Variants in EFCAB11 observed in about 807,000 individuals in gnomAD.
EFCAB11 encodes EF-hand calcium-binding domain-containing protein 11.
A neutral mutation model predicts 23.0 loss-of-function variants in EFCAB11; 14 were observed. That is an observed-to-expected ratio of 0.61 (90% CI 0.40 to 0.95). The LOEUF is 0.95. EFCAB11 is among the 40% of genes least tolerant of loss of function. The pLI is 0.00. For missense variants in EFCAB11, 198 were observed against 195.8 expected (o/e 1.01, Z -0.07); for synonymous variants, 65 against 66.6 (o/e 0.98, Z 0.11).
intron 5 of EFCAB11, among the ~76,000 whole-genome samples, chr14:89,864,576 C>T (rs551649664): frequency 1.3e-5 from 2 of 152,108 alleles, no homozygotes; most frequent in African/African-American, 2.4e-5. Context: ...TACAGGTGCA[C>T]GTCAACATGC....
intron 5 of EFCAB11, among the ~76,000 whole-genome samples, chr14:89,848,021 TCTAC>T (rs1460441395): frequency 3.9e-5 from 6 of 152,232 alleles, no homozygotes; most frequent in African/African-American, 1.2e-4. Context: ...TACAGGATTC[TCTAC>T]CTAAGCTCCC....
chr14:89,917,218 A>G (rs1889879486), intron 5 of EFCAB11, among the ~76,000 whole-genome samples: 1 of 152,052 alleles, frequency 6.6e-6, no homozygotes, highest in South Asian at 2.1e-4. Flanking sequence ...TGTAACTAAA[A>G]TTTTGTATCC....
In EFCAB11 at chr14:89,865,619, G is replaced by A. The variant is rs139890896; in HGVS notation, c.410+65922C>T. Among the ~76,000 whole-genome samples, 1,277 of 151,554 alleles carry A rather than the reference G, an allele frequency of 8.4e-3. 6 individuals are homozygous for A. Among genetic ancestry groups the A allele is most frequent in the South Asian group, 0.014 (68 of 4,790 alleles). ...TGGGCTCAAGTGATCTTCCCACCTC[G>A]GCCTCCAGAGTAGCTGGAACTACAG... On this transcript the variant is annotated intron_variant, in intron 5 of 5. Transcript: ENST00000316738.
chr14:89,883,735 C>T (rs1194578778), intron 5 of EFCAB11, among the ~76,000 whole-genome samples: 1 of 152,198 alleles, frequency 6.6e-6, no homozygotes, highest in Non-Finnish European at 1.5e-5. Flanking sequence ...TGCCAAGTCA[C>T]CTGTCACTTC....
rs1312934288 is a variant in EFCAB11 at position 89,892,455 on chromosome 14, G to C, written c.410+39086C>G. Reference sequence around the variant, plus strand: ...CCATGCCAGTGTTGACTCTAGGAGAGAAAGGGTTAAAGCAGTCCCAGCCTT... The same window carrying C: ...CCATGCCAGTGTTGACTCTAGGAGACAAAGGGTTAAAGCAGTCCCAGCCTT... On this transcript the variant is annotated intron_variant, in intron 5 of 5. Transcript: ENST00000316738. 5.8e-6 allele frequency: 9 copies of C among 1,539,854 alleles called. No homozygotes were observed. In the East Asian group the frequency reaches 1.8e-4, roughly 31 times the overall value.
At chr14:89,851,267 C>T (rs959109840) in intron 5 of EFCAB11, among the ~76,000 whole-genome samples, 2 of 152,202 alleles carry the variant, frequency 1.3e-5, no homozygotes, top group Non-Finnish European at 2.9e-5. Context: ...TTGGCTTGCA[C>T]CCAAATGCCC....
chr14:89,825,748 A>AAGAGAAAG (rs1490672665), intron 5 of EFCAB11, among the ~76,000 whole-genome samples: 4 of 152,144 alleles, frequency 2.6e-5, no homozygotes. Context: ...TCGAAAAAAA[A>AAGAGAAAG]AGAGAAAGAG....
At chr14:89,894,477 A>C (rs1596438207) in intron 5 of EFCAB11, among the ~76,000 whole-genome samples, 1 of 118,570 alleles carries the variant, frequency 8.4e-6, no homozygotes, top group Middle Eastern at 8.6e-3. Context: ...CCCTGTGTCC[A>C]TGTGTTCTCA....
chr14:89,820,728 T>C (rs1886488215), intron 5 of EFCAB11, among the ~76,000 whole-genome samples: 1 of 152,132 alleles, frequency 6.6e-6, no homozygotes, highest in Non-Finnish European at 1.5e-5. Context: ...TTAATTCCTA[T>C]GCAGTACTCA....
At chr14:89,881,469 T>TATATATATATATATATATATATATA (rs1566795113) in intron 5 of EFCAB11, among the ~76,000 whole-genome samples, 2 of 9,004 alleles carry the variant, frequency 2.2e-4, no homozygotes, top group African/African-American at 7.6e-4. Flanking sequence ...ATATATATTC[T>TATATATATATATATATATATATATA]TTTTTTTTTT....
chr14:89,854,508 CG>C (rs1887691751), intron 5 of EFCAB11, among the ~76,000 whole-genome samples: 1 of 152,138 alleles, frequency 6.6e-6, no homozygotes, highest in Non-Finnish European at 1.5e-5. Flanking sequence ...TCTTCAGTAC[CG>C]GCAATCCATG....
chr14:89,954,520 G>A (rs938936835), intron 1 of EFCAB11, 66 bp downstream of exon 1: 4 of 1,591,512 alleles, frequency 2.5e-6, no homozygotes, highest in African/African-American at 2.7e-5. Flanking sequence ...ACCCAGACAC[G>A]GGAGAGGAAG....
chr14:89,854,236 C>T (rs943956738), intron 5 of EFCAB11, among the ~76,000 whole-genome samples: 1 of 72,100 alleles, frequency 1.4e-5, no homozygotes, highest in Non-Finnish European at 3.9e-5. Context: ...GATACAAACA[C>T]ATTTTTTTTA....
intron 3 of EFCAB11, among the ~76,000 whole-genome samples, chr14:89,948,477 T>G (rs563215032): frequency 1.2e-4 from 19 of 152,334 alleles, no homozygotes; most frequent in African/African-American, 4.6e-4. Context: ...GCAATCCCAC[T>G]GCTGGGTATA....
At chr14:89,924,624 T>G in intron 5 of EFCAB11, 1 of 1,535,268 alleles carries the variant, frequency 6.5e-7, no homozygotes, top group Non-Finnish European at 8.7e-7. Context: ...AAGAAAGAAC[T>G]TTAAGTCAGC....
chr14:89,882,707 C>A (rs1888639210), intron 5 of EFCAB11, among the ~76,000 whole-genome samples: 1 of 152,186 alleles, frequency 6.6e-6, no homozygotes, highest in African/African-American at 2.4e-5. Context: ...TTCTACCCAC[C>A]TCTCAGTCTG....
At chr14:89,951,242 C>T (rs1891153762) in intron 2 of EFCAB11, among the ~76,000 whole-genome samples, 1 of 152,152 alleles carries the variant, frequency 6.6e-6, no homozygotes, top group Non-Finnish European at 1.5e-5. Context: ...CTTAAATTTT[C>T]TCTTAATTGG....
chr14:89,853,090 G>A (rs1422916918), intron 5 of EFCAB11, among the ~76,000 whole-genome samples: 1 of 152,116 alleles, frequency 6.6e-6, no homozygotes, highest in Non-Finnish European at 1.5e-5. Context: ...CATTCCATCT[G>A]TTTGCCTGAT....
chr14:89,892,726 A>AC lies in EFCAB11; in HGVS notation c.410+38814dup, dbSNP rs553212463. ...AGACCAGCCTGGCCAACATGGTGAAACCCCGTCTCTACTAAAAATACAAAA... is the reference window on the plus strand; with the variant it reads ...AGACCAGCCTGGCCAACATGGTGAAACCCCCGTCTCTACTAAAAATACAAAA... On this transcript the variant is annotated intron_variant, in intron 5 of 5. Coordinates refer to ENST00000316738, the MANE Select transcript of EFCAB11 (RefSeq NM_145231.4). Among the ~76,000 whole-genome samples, 55 of 151,936 alleles carry AC rather than the reference A, an allele frequency of 3.6e-4. No homozygotes were observed. In the East Asian group the frequency reaches 6.2e-3, roughly 17 times the overall value.
Sources: allele counts gnomAD v4.1 joint callset (sites outside exome capture counted in the v4.1 genomes callset), GRCh38; gene constraint gnomAD v4.1.1; transcripts MANE v1.5; gene names NCBI Gene and HGNC (gene_info 2026-07-23, HGNC 2026-07-21).